NRG3: variants seen among roughly 807,000 people sequenced by gnomAD.
NRG3 encodes the protein pro-neuregulin-3, membrane-bound isoform.
In NRG3, 31 loss-of-function variants were observed where a neutral mutation model predicts 66.9. That is an observed-to-expected ratio of 0.46 (90% confidence interval 0.35 to 0.63). The LOEUF is 0.63. NRG3 is among the 20% of genes least tolerant of loss of function. The probability of loss-of-function intolerance (pLI) is 0.00; values close to 1 mark genes in which losing one functional copy is unlikely to be tolerated. For synonymous variants in NRG3, 393 were observed against 359.4 expected (o/e 1.09, Z -1.06); for missense variants, 910 against 878.9 (o/e 1.04, Z -0.45).
At chr10:82,864,732 A>T (rs903571564) in intron 3 of NRG3, among the ~76,000 whole-genome samples, 3 of 152,220 alleles carry the variant, frequency 2.0e-5, no homozygotes, top group Non-Finnish European at 4.4e-5. Context: ...TAGAACAGAC[A>T]TGGACACACA....
chr10:82,505,334 C>G (rs1025434192), intron 2 of NRG3, among the ~76,000 whole-genome samples: 2 of 152,208 alleles, frequency 1.3e-5, no homozygotes, highest in African/African-American at 4.8e-5. Flanking sequence ...AGAGAAAGGG[C>G]CAGAGTAGCC....
chr10:82,841,223 T>C (rs2010105006), intron 3 of NRG3, among the ~76,000 whole-genome samples: 1 of 151,916 alleles, frequency 6.6e-6, no homozygotes, highest in South Asian at 2.1e-4. Flanking sequence ...TTGGAAGGAG[T>C]ATGGCCCTGC....
At chr10:82,029,270 T>C (rs563510434) in intron 1 of NRG3, among the ~76,000 whole-genome samples, 1 of 152,208 alleles carries the variant, frequency 6.6e-6, no homozygotes, top group Admixed American at 6.6e-5. Flanking sequence ...GGCTGTGTGC[T>C]GTGGAGAAAT....
intron 2 of NRG3, among the ~76,000 whole-genome samples, chr10:82,597,431 T>C (rs1257122882): frequency 6.6e-6 from 1 of 152,232 alleles, no homozygotes; most frequent in East Asian, 1.9e-4. Context: ...TAGCTTTTTA[T>C]CCATACAGTA....
chr10:82,335,506 A>T (rs939162685), intron 1 of NRG3, among the ~76,000 whole-genome samples: 1 of 152,114 alleles, frequency 6.6e-6, no homozygotes, highest in African/African-American at 2.4e-5. Context: ...AAATAGGGAA[A>T]TTGGGGGTTC....
intron 2 of NRG3, among the ~76,000 whole-genome samples, chr10:82,453,015 A>G (rs1302793545): frequency 6.6e-6 from 1 of 152,110 alleles, no homozygotes; most frequent in Non-Finnish European, 1.5e-5. Context: ...TCTATACTCT[A>G]AAAGAGGAGT....
chr10:82,457,011 A>G (rs1369367521), intron 2 of NRG3, among the ~76,000 whole-genome samples: 2 of 152,036 alleles, frequency 1.3e-5, no homozygotes, highest in African/African-American at 4.8e-5. Context: ...CTAGGAAACC[A>G]TTTTTCAAAG....
chr10:82,656,405 G>A (rs1207507710), intron 2 of NRG3, among the ~76,000 whole-genome samples: 1 of 147,900 alleles, frequency 6.8e-6, no homozygotes, highest in African/African-American at 2.5e-5. Context: ...TTTGAAAATA[G>A]AAAAGCATTA....
chr10:82,349,116 G>A (rs879537050), intron 1 of NRG3, among the ~76,000 whole-genome samples: 3 of 152,134 alleles, frequency 2.0e-5, no homozygotes, highest in South Asian at 2.1e-4. Context: ...GAGGAACTGC[G>A]TTCCTTTGGA....
chr10:82,968,020 A>AT (rs1851367493), intron 6 of NRG3, among the ~76,000 whole-genome samples: 1 of 152,238 alleles, frequency 6.6e-6, no homozygotes, highest in African/African-American at 2.4e-5. Flanking sequence ...TATTCTCTGT[A>AT]TTCACCTGTT....
intron 4 of NRG3, among the ~76,000 whole-genome samples, chr10:82,878,608 C>T (rs930042056): frequency 2.0e-5 from 3 of 152,016 alleles, no homozygotes; most frequent in South Asian, 4.2e-4. Context: ...AACTGGTCTT[C>T]GAGGAAAGAG....
intron 1 of NRG3, among the ~76,000 whole-genome samples, chr10:82,258,251 A>C (rs2077839134): frequency 6.6e-6 from 1 of 152,244 alleles, no homozygotes; most frequent in Non-Finnish European, 1.5e-5. Flanking sequence ...AGATGGTGAT[A>C]ATAGTTGTGC....
chr10:82,194,044 C>T (rs143252594), intron 1 of NRG3, among the ~76,000 whole-genome samples: 78 of 152,234 alleles, frequency 5.1e-4, no homozygotes, highest in African/African-American at 1.8e-3. Context: ...AAACTAGGAA[C>T]CACTCCAGCC....
chr10:82,985,009 G>C, intron 8 of NRG3, 89 bp from the exon 9 acceptor site: 1 of 1,462,764 alleles, frequency 6.8e-7, no homozygotes, highest in South Asian at 1.2e-5. Context: ...CAGTGAGATG[G>C]TGCATGTGAA....
intron 4 of NRG3, among the ~76,000 whole-genome samples, chr10:82,935,049 A>G (rs1847925120): frequency 1.3e-5 from 2 of 152,204 alleles, no homozygotes; most frequent in South Asian, 2.1e-4. Flanking sequence ...TTTTCCATTC[A>G]TATCTGTGAA....
At chr10:82,258,018 T>TC (rs2077824616) in intron 1 of NRG3, among the ~76,000 whole-genome samples, 2 of 152,168 alleles carry the variant, frequency 1.3e-5, no homozygotes, top group African/African-American at 4.8e-5. Context: ...TACCAGATAC[T>TC]CCCCATTTAT....
At chr10:82,709,722 A>T (rs1444151564) in intron 2 of NRG3, among the ~76,000 whole-genome samples, 2 of 152,094 alleles carry the variant, frequency 1.3e-5, no homozygotes, top group Non-Finnish European at 2.9e-5. Flanking sequence ...ACTAGTTGCA[A>T]GCAGAAAGCC....
intron 2 of NRG3, among the ~76,000 whole-genome samples, chr10:82,532,877 C>A (rs1222190329): frequency 1.3e-5 from 2 of 151,352 alleles, no homozygotes; most frequent in Non-Finnish European, 3.0e-5. Flanking sequence ...CACCACTTTG[C>A]ATTTCCATGA....
intron 1 of NRG3, among the ~76,000 whole-genome samples, chr10:82,184,860 G>A (rs2073695784): frequency 6.6e-6 from 1 of 152,140 alleles, no homozygotes. Flanking sequence ...AGGTCTGGAT[G>A]AAGGCCCCTT....
Sources: gnomAD v4.1 joint callset for allele counts (sites outside exome capture counted in the v4.1 genomes callset) on GRCh38, gnomAD v4.1.1 for gene constraint, MANE v1.5 for transcripts, NCBI Gene and HGNC (gene_info 2026-07-23, HGNC 2026-07-21) for gene names.